Variants in PSMA4 observed in about 807,000 individuals in gnomAD.
PSMA4 encodes proteasome subunit alpha type-4.
A neutral mutation model predicts 37.2 loss-of-function variants in PSMA4; 8 were observed. That is an observed-to-expected ratio of 0.22 (90% CI 0.13 to 0.39). The LOEUF (loss-of-function observed/expected upper bound fraction) is 0.39, where lower values mean the gene tolerates loss of function less well. Among genes scored for constraint, PSMA4 ranks in the 10% least tolerant of loss-of-function variants. PSMA4 has a pLI of 1.00. For synonymous variants in PSMA4, 93 were observed against 98.8 expected (o/e 0.94, Z 0.35); for missense variants, 169 against 305.1 (o/e 0.55, Z 3.32).
Position 78,542,611 on chromosome 15 carries a change from G to A in PSMA4, c.175G>A (p.Val59Ile). 1 of 1,608,128 alleles carries A rather than the reference G, an allele frequency of 6.2e-7. No homozygotes were observed. The highest frequency in any genetic ancestry group is 2.2e-5 in the East Asian group (1 of 44,846). The stretch of plus-strand genomic sequence containing the variant: ...CAACATCCACAAGCTTCTTGATGAA[G>A]TCTTTTTTTCTGAAAAAATTTATAA... ...RRNIHKLLDE[V>I]FFSEKIYKLN... The change falls in exon 4 of 9, where the codon GTC (valine) becomes ATC (isoleucine). Residue 59 changes from valine to isoleucine, a missense_variant. Val to Ile is a conservative substitution (Grantham distance 29). Transcript: ENST00000044462.
In PSMA4 at chr15:78,548,917, AAAAG is replaced by A; in HGVS notation, c.762_765del (p.Lys254AsnfsTer44). 6.2e-7 allele frequency: 1 copy of A among 1,609,428 alleles called. No individual in the cohort carries two copies. The highest frequency in any genetic ancestry group is 8.5e-7 in the Non-Finnish European group (1 of 1,178,816). On this transcript the variant is annotated frameshift_variant, in exon 9 of 9. Coordinates refer to ENST00000044462, the MANE Select transcript of PSMA4 (RefSeq NM_002789.6). LOFTEE classifies it high-confidence loss of function. ...CCAAAGCTGAGCGTGAGAAGAAAGAAAAAGAACAGAAAGAAAAGGATAAATAGAA... is the reference window on the plus strand; with the variant it reads ...CCAAAGCTGAGCGTGAGAAGAAAGAAAACAGAAAGAAAAGGATAAATAGAA...
Position 78,542,226 on chromosome 15 carries a change from T to C in PSMA4, c.46+7T>C, listed in dbSNP as rs763675032. ...ACTATATTTTCTCCAGAAGGTAAAA[T>C]AGAAATTGTTTAATCTGCCTCAAGT... On this transcript the variant is annotated splice_region_variant and intron_variant, in intron 3 of 8. Transcript: ENST00000044462. The C allele has an allele frequency of 5.0e-6, 8 of 1,592,298 alleles. No individual in the cohort carries two copies. Among genetic ancestry groups the C allele is most frequent in the African/African-American group, 4.1e-5 (3 of 73,608 alleles).
intron 6 of PSMA4, among the ~76,000 whole-genome samples, 176 bp from the exon 7 acceptor site, chr15:78,545,458 C>T (rs1029837900): frequency 1.3e-5 from 2 of 152,190 alleles, no homozygotes; most frequent in African/African-American, 2.4e-5. Context: ...GTGTCCAAAT[C>T]GTAGAAACAA....
At position 78,552,349 on chromosome 15, in the gene PSMA4, CA is replaced by C. The variant is rs1291408118; in HGVS notation, c.*3408del. The stretch of plus-strand genomic sequence containing the variant: ...AAATCTTGAGTCAAAACTTTAAAAT[CA>C]AAGTCAAATTGATTTCATTTTGGTG... On this transcript the variant is annotated 3_prime_UTR_variant, in exon 9 of 9. Transcript: ENST00000044462. The C allele has an allele frequency of 1.3e-5, 2 of 152,140 alleles. No homozygotes were observed. The highest frequency in any genetic ancestry group is 1.5e-5 in the Non-Finnish European group (1 of 68,004). The allele number at this position is 152,140 out of a possible 1,614,324, so 9.4% of individuals were successfully genotyped here. A position where few individuals can be genotyped will look rare whatever the true frequency, so the allele number is the denominator to read the frequency against.
intron 4 of PSMA4, chr15:78,543,870 G>A (rs551432912): frequency 1.1e-4 from 24 of 223,952 alleles, no homozygotes; most frequent in African/African-American, 5.4e-4. Flanking sequence ...TGGCAAGCCT[G>A]TCTTTTTATT....
chr15:78,547,373 C>G (rs4887063), intron 8 of PSMA4, among the ~76,000 whole-genome samples: 1 of 152,002 alleles, frequency 6.6e-6, no homozygotes, highest in South Asian at 2.1e-4. Flanking sequence ...ATAAAGCATA[C>G]GTATGTAGTT....
intron 8 of PSMA4, 124 bp from the exon 9 acceptor site, chr15:78,548,666 T>G: frequency 7.7e-7 from 1 of 1,292,778 alleles, no homozygotes; most frequent in South Asian, 2.0e-5. Context: ...GTATAAAACA[T>G]AGGAGAGTGC....
At position 78,549,298 on chromosome 15, in the gene PSMA4, C is replaced by T. The variant is rs377641332; in HGVS notation, c.*354C>T. On this transcript the variant is annotated 3_prime_UTR_variant, in exon 9 of 9. Transcript: ENST00000044462. ...TACAGTCCTTTCACAAAGATGGGCA[C>T]GTTCCTCAGGCTGGCCAGATTATTC... 15 of 160,228 alleles carry T rather than the reference C, an allele frequency of 9.4e-5. No individual in the cohort carries two copies. The highest frequency in any genetic ancestry group is 1.6e-4 in the Non-Finnish European group (12 of 73,674). 9.9% of individuals were successfully genotyped at this position (160,228 alleles called of 1,614,324 possible).
Position 78,550,862 on chromosome 15 carries a change from A to G in PSMA4, c.*1918A>G, listed in dbSNP as rs1009321270. On this transcript the variant is annotated 3_prime_UTR_variant, in exon 9 of 9. Coordinates refer to ENST00000044462, the MANE Select transcript of PSMA4 (RefSeq NM_002789.6). ...ACAAATGACTAAAAGTACCACAAGT[A>G]TTGGTTTGGGGGTTACATGTACATT... 9 of 152,152 alleles carry G rather than the reference A, an allele frequency of 5.9e-5. No homozygotes were observed. Among genetic ancestry groups the G allele is most frequent in the Admixed American group, 2.6e-4 (4 of 15,272 alleles). 9.4% of individuals were successfully genotyped at this position (152,152 alleles called of 1,614,324 possible).
rs4887064 is a variant in PSMA4, at chr15:78,550,505, G to C, written c.*1561G>C. The C allele has an allele frequency of 0.67, 100,672 of 151,056 alleles. 34,253 individuals carry two copies. The highest frequency in any genetic ancestry group is 0.84 in the East Asian group (4,268 of 5,104). The allele number at this position is 151,056 out of a possible 1,614,324, so 9.4% of individuals were successfully genotyped here. ...AACACTAAACAGTGTTTTTTTCATA[G>C]AGACGGTGAGCAGGGAAGGTCTCAC... On this transcript the variant is annotated 3_prime_UTR_variant, in exon 9 of 9. Coordinates refer to ENST00000044462, the MANE Select transcript of PSMA4 (RefSeq NM_002789.6).
rs552676146 is a variant in PSMA4, at chr15:78,547,557, C to G, written c.631+859C>G. Among the ~76,000 whole-genome samples the G allele has an allele frequency of 2.0e-5, 3 of 152,198 alleles. No homozygotes were observed. The East Asian group carries it at 5.8e-4, about 29-fold the overall frequency. ...TGACTATATAAAAGAATATTTCAGTCGAGCTTGGTGGCTCATGCCTGTAAT... is the reference window on the plus strand; with the variant it reads ...TGACTATATAAAAGAATATTTCAGTGGAGCTTGGTGGCTCATGCCTGTAAT... On this transcript the variant is annotated intron_variant, in intron 8 of 8. Transcript: ENST00000044462.
intron 6 of PSMA4, among the ~76,000 whole-genome samples, 158 bp downstream of exon 6, chr15:78,545,115 C>G (rs1157826101): frequency 6.6e-6 from 1 of 152,040 alleles, no homozygotes; most frequent in African/African-American, 2.4e-5. Context: ...TCATGAGGTA[C>G]ATAATGATGT....
chr15:78,540,855 C>G (rs963808010), intron 1 of PSMA4: 1 of 152,254 alleles, frequency 6.6e-6, no homozygotes, highest in African/African-American at 2.4e-5. Context: ...AGTTAGCTCT[C>G]CCGGAGGTGC....
chr15:78,545,824 G>T (rs2052542632), intron 7 of PSMA4, 60 bp downstream of exon 7: 2 of 1,571,370 alleles, frequency 1.3e-6, no homozygotes, highest in Non-Finnish European at 1.7e-6. Context: ...CCATAATTTT[G>T]CCATGGTGAT....
Position 78,549,082 on chromosome 15 carries a change from C to T in PSMA4, c.*138C>T. On this transcript the variant is annotated 3_prime_UTR_variant, in exon 9 of 9. Transcript: ENST00000044462. ...ATTACATACTGAATTGGGTCCTTGT[C>T]ATTTCTGTCCAATTGAATACTTTAT... The T allele has an allele frequency of 8.0e-7, 1 of 1,242,722 alleles. No individual in the cohort carries two copies. The highest frequency in any genetic ancestry group is 3.7e-5 in the Admixed American group (1 of 27,368). The allele number at this position is 1,242,722 out of a possible 1,614,324, so 77.0% of individuals were successfully genotyped here. A position where few individuals can be genotyped will look rare whatever the true frequency, so the allele number is the denominator to read the frequency against.
At chr15:78,548,431 A>G (rs1028033592) in intron 8 of PSMA4, among the ~76,000 whole-genome samples, 1 of 152,100 alleles carries the variant, frequency 6.6e-6, no homozygotes, top group African/African-American at 2.4e-5. Context: ...GTCCATAAAA[A>G]ATAAGCTGTT....
rs776399247 is a variant in PSMA4 at position 78,548,996 on chromosome 15, C to G, written c.*52C>G. The G allele has an allele frequency of 1.3e-6, 2 of 1,552,168 alleles. No individual in the cohort carries two copies. Among genetic ancestry groups the G allele is most frequent in the South Asian group, 2.5e-5 (2 of 79,146 alleles). On this transcript the variant is annotated 3_prime_UTR_variant, in exon 9 of 9. Coordinates refer to ENST00000044462, the MANE Select transcript of PSMA4 (RefSeq NM_002789.6). ...GGCACCATTTCAGTGTAAAAGCAGT[C>G]CTACTCTTCCACACTAGGAAGGCTT... is the stretch of plus-strand genomic sequence containing the variant.
rs1472083147 is a variant in PSMA4 at position 78,544,712 on chromosome 15, A to G, written c.288-157A>G. The G allele has an allele frequency of 1.2e-5, 6 of 514,876 alleles. No homozygotes were observed. In the Admixed American group the frequency reaches 1.9e-4, roughly 16 times the overall value. 31.9% of individuals were successfully genotyped at this position (514,876 alleles called of 1,614,324 possible). A position where few individuals can be genotyped will look rare whatever the true frequency, so the allele number is the denominator to read the frequency against. On this transcript the variant is annotated intron_variant, in intron 5 of 8. Transcript: ENST00000044462. ...CCAAACTTACAAAATATTATTTACT[A>G]TGAGAATATTCAGATGTTGACTTGT...
At position 78,545,662 on chromosome 15, in the gene PSMA4, G is replaced by A; in HGVS notation, c.405G>A (p.Leu135=). The change falls in exon 7 of 9, where the codon CTG becomes CTA. Residue 135 remains leucine, a synonymous_variant. Coordinates refer to ENST00000044462, the MANE Select transcript of PSMA4 (RefSeq NM_002789.6). ...GGKRPFGVSL[L]YIGWDKHYGF... ...AACGTCCCTTTGGTGTTTCATTGCT[G>A]TACATTGGCTGGGATAAGCACTATG... 6.2e-7 allele frequency: 1 copy of A among 1,613,990 alleles called. No homozygotes were observed. Among genetic ancestry groups the A allele is most frequent in the Non-Finnish European group, 8.5e-7 (1 of 1,179,898 alleles).
Sources: allele counts gnomAD v4.1 joint callset (sites outside exome capture counted in the v4.1 genomes callset), GRCh38; gene constraint gnomAD v4.1.1; transcripts MANE v1.5; gene names NCBI Gene and HGNC (gene_info 2026-07-23, HGNC 2026-07-21).